Variants in CHD1 observed in about 807,000 individuals in gnomAD.
CHD1 encodes the protein chromodomain helicase DNA binding protein 1, also known as ATP-dependent chromatin remodeler CHD1.
Under a neutral mutation model 224.2 loss-of-function variants are expected in CHD1, and 36 were observed. The ratio of observed to expected loss-of-function variants is 0.16; its 90% CI spans 0.12 to 0.21. The LOEUF (loss-of-function observed/expected upper bound fraction) is 0.21. Among genes scored for constraint, CHD1 ranks in the 10% least tolerant of loss-of-function variants. The probability of loss-of-function intolerance (pLI) is 1.00; values close to 1 mark genes in which losing one functional copy is unlikely to be tolerated. For synonymous variants in CHD1, 668 were observed against 658.3 expected (o/e 1.01, Z -0.23); for missense variants, 1,378 against 1,994.8 (o/e 0.69, Z 5.89).
chr5:98,856,962 A>G (rs1748081957), intron 35 of CHD1, among the ~76,000 whole-genome samples: 1 of 152,120 alleles, frequency 6.6e-6, no homozygotes, highest in South Asian at 2.1e-4. Flanking sequence ...AATAGCATCT[A>G]ATTTCACATG....
rs547934467 is a variant in CHD1, at chr5:98,901,740, T to C, written c.438-405A>G. Among the ~76,000 whole-genome samples, 11 of 133,146 alleles carry C rather than the reference T, an allele frequency of 8.3e-5. No individual in the cohort carries two copies. The South Asian group carries it at 1.6e-3, about 19-fold the overall frequency. 87.3% of individuals were successfully genotyped at this position (133,146 alleles called of 152,430 possible). A position where few individuals can be genotyped will look rare whatever the true frequency, so the allele number is the denominator to read the frequency against. Reference sequence around the variant, plus strand: ...AATAGTGCACGTTCATTAAGAAACATAGAAAAATTAAAAAAAAAAAAAAGA... The same window carrying C: ...AATAGTGCACGTTCATTAAGAAACACAGAAAAATTAAAAAAAAAAAAAAGA... On this transcript the variant is annotated intron_variant, in intron 5 of 35. Coordinates refer to ENST00000614616, the MANE Select transcript of CHD1 (RefSeq NM_001270.4).
rs774582406 is a variant in CHD1, at chr5:98,899,473, T to G, written c.1085+7A>C. The stretch of plus-strand genomic sequence containing the variant: ...TAAAAGAAGTATATGATATACAGCA[T>G]ACTTACCATCTTTTTGTTTCCTGAT... On this transcript the variant is annotated splice_region_variant and intron_variant, in intron 8 of 35. Coordinates refer to ENST00000614616, the MANE Select transcript of CHD1 (RefSeq NM_001270.4). 3 of 1,518,568 alleles carry G rather than the reference T, an allele frequency of 2.0e-6. No homozygotes were observed. Among genetic ancestry groups the G allele is most frequent in the Non-Finnish European group, 2.7e-6 (3 of 1,096,126 alleles). The allele number at this position is 1,518,568 out of a possible 1,614,324, so 94.1% of individuals were successfully genotyped here.
At chr5:98,865,131 TGA>T (rs1185466051) in intron 31 of CHD1, among the ~76,000 whole-genome samples, 1 of 152,188 alleles carries the variant, frequency 6.6e-6, no homozygotes, top group Non-Finnish European at 1.5e-5. Context: ...GGGCAATGTT[TGA>T]GAGGACACCT....
intron 23 of CHD1, among the ~76,000 whole-genome samples, chr5:98,878,700 C>T (rs892593946): frequency 2.0e-5 from 3 of 152,014 alleles, no homozygotes; most frequent in African/African-American, 7.2e-5. Flanking sequence ...CAATGATTAA[C>T]AAACATAGTT....
chr5:98,893,386 A>G, intron 14 of CHD1, 30 bp downstream of exon 14: 4 of 1,497,546 alleles, frequency 2.7e-6, no homozygotes, highest in Non-Finnish European at 3.6e-6. Flanking sequence ...ATATCCACAC[A>G]ATATGATTAA....
rs1464434405 is a variant in CHD1 at position 98,854,626 on chromosome 5, G to A, written c.*1754C>T. On this transcript the variant is annotated 3_prime_UTR_variant, in exon 36 of 36. Coordinates refer to ENST00000614616, the MANE Select transcript of CHD1 (RefSeq NM_001270.4). ...AAACAAAGCATTATTATTCTTCAGG[G>A]TAACTGTATCAGAAAGAGAAATTAC... The A allele has an allele frequency of 1.3e-5, 2 of 152,010 alleles. No individual in the cohort carries two copies. The highest frequency in any genetic ancestry group is 6.5e-5 in the Admixed American group (1 of 15,272). The allele number at this position is 152,010 out of a possible 1,614,324, so 9.4% of individuals were successfully genotyped here.
chr5:98,911,146 A>AAAAATAT (rs1491111295), intron 2 of CHD1, among the ~76,000 whole-genome samples: 2 of 39,130 alleles, frequency 5.1e-5, no homozygotes, highest in African/African-American at 1.2e-4. Flanking sequence ...AAAAAAAAAA[A>AAAAATAT]ATATATATAT....
chr5:98,926,267 A>G (rs468530), intron 2 of CHD1, 67 bp downstream of exon 2: 2 of 963,850 alleles, frequency 2.1e-6, no homozygotes, highest in African/African-American at 3.4e-5. Context: ...AACAATAACA[A>G]TAAAGAAAAA....
intron 32 of CHD1, 171 bp from the exon 33 acceptor site, chr5:98,860,239 A>G: frequency 1.6e-6 from 1 of 610,356 alleles, no homozygotes; most frequent in Non-Finnish European, 3.1e-6. Flanking sequence ...AACTTCATAT[A>G]TGACTAAGAC....
At chr5:98,882,848 A>T (rs1750292969) in intron 19 of CHD1, among the ~76,000 whole-genome samples, 1 of 152,208 alleles carries the variant, frequency 6.6e-6, no homozygotes, top group Non-Finnish European at 1.5e-5. Context: ...TGCATTTTAT[A>T]GTTACGACTA....
At chr5:98,863,282 A>T (rs1748612089) in intron 32 of CHD1, 126 bp downstream of exon 32, 1 of 502,022 alleles carries the variant, frequency 2.0e-6, no homozygotes, top group Admixed American at 4.1e-5. Flanking sequence ...TAAAACAATC[A>T]TCTGTAGGTT....
At chr5:98,915,445 T>C (rs1752674690) in intron 2 of CHD1, among the ~76,000 whole-genome samples, 2 of 152,226 alleles carry the variant, frequency 1.3e-5, no homozygotes, top group African/African-American at 4.8e-5. Context: ...TCAAAGATGA[T>C]TACTTAGTTG....
At position 98,893,493 on chromosome 5, in the gene CHD1, A is replaced by G; in HGVS notation, c.1914T>C (p.Arg638=). The G allele has an allele frequency of 6.2e-7, 1 of 1,611,922 alleles. No homozygotes were observed. Among genetic ancestry groups the G allele is most frequent in the Non-Finnish European group, 8.5e-7 (1 of 1,178,474 alleles). ...GTAGAGGAGTTCCAGTGATAAGGAG[A>G]CGATGATTGGATTTAAAATCTATTA... The part of the protein sequence containing the change: ...KTLIDFKSNH[R]LLITGTPLQN... The change falls in exon 14 of 36, where the codon CGT becomes CGC. Residue 638 remains arginine (R), a synonymous_variant. Coordinates refer to ENST00000614616, the MANE Select transcript of CHD1 (RefSeq NM_001270.4).
At chr5:98,857,300 G>C (rs1748109042) in intron 35 of CHD1, among the ~76,000 whole-genome samples, 4 of 149,952 alleles carry the variant, frequency 2.7e-5, no homozygotes, top group Non-Finnish European at 5.9e-5. Flanking sequence ...AGTTTAATGA[G>C]AATTATTCTC....
chr5:98,920,336 CA>C (rs1753011174), intron 2 of CHD1, among the ~76,000 whole-genome samples: 1 of 152,072 alleles, frequency 6.6e-6, no homozygotes, highest in Non-Finnish European at 1.5e-5. Flanking sequence ...AAGGGAAAAA[CA>C]GTAACTTTAC....
chr5:98,858,463 C>T (rs1748211997), intron 34 of CHD1, 73 bp from the exon 35 acceptor site: 5 of 1,261,914 alleles, frequency 4.0e-6, no homozygotes, highest in Non-Finnish European at 5.7e-6. Flanking sequence ...TGATAGATAA[C>T]AAGAATTCGT....
At chr5:98,911,656 C>G (rs1306343425) in intron 2 of CHD1, among the ~76,000 whole-genome samples, 9 of 152,132 alleles carry the variant, frequency 5.9e-5, no homozygotes, top group Admixed American at 5.9e-4. Context: ...CTGTGAAACA[C>G]TTTAGAAGAT....
intron 28 of CHD1, 109 bp downstream of exon 28, chr5:98,871,942 A>T: frequency 1.1e-6 from 1 of 924,162 alleles, no homozygotes; most frequent in Non-Finnish European, 1.6e-6. Context: ...ACAACCAGCT[A>T]GTGCCTTGGT....
At chr5:98,924,796 C>T (rs750106306) in intron 2 of CHD1, among the ~76,000 whole-genome samples, 6 of 151,794 alleles carry the variant, frequency 4.0e-5, no homozygotes, top group African/African-American at 4.8e-5. Context: ...GCCAATGTGG[C>T]GAAACCCCAT....
Sources: gnomAD v4.1 joint callset for allele counts (sites outside exome capture counted in the v4.1 genomes callset) on GRCh38, gnomAD v4.1.1 for gene constraint, MANE v1.5 for transcripts, NCBI Gene and HGNC (gene_info 2026-07-23, HGNC 2026-07-21) for gene names.